LINGO2: variants seen among roughly 807,000 people sequenced by gnomAD.
LINGO2 encodes leucine-rich repeat and immunoglobulin-like domain-containing nogo receptor-interacting protein 2.
A neutral mutation model predicts 30.6 loss-of-function variants in LINGO2; 14 were observed. That is an observed-to-expected ratio of 0.46 (90% CI 0.30 to 0.72). The LOEUF (loss-of-function observed/expected upper bound fraction) is 0.72, where lower values mean the gene tolerates loss of function less well. Ranked by LOEUF, LINGO2 falls within the 30% of genes least tolerant of loss-of-function variation. The probability of loss-of-function intolerance (pLI) is 0.07; values close to 1 mark genes in which losing one functional copy is unlikely to be tolerated. For missense variants in LINGO2, 729 were observed against 751.7 expected, an observed-to-expected ratio of 0.97 and a Z score of 0.35; for synonymous variants, 317 against 288.5, an observed-to-expected ratio of 1.10 and a Z score of -1.00.
At chr9:28,624,167 C>A (rs1826543098) in intron 1 of LINGO2, among the ~76,000 whole-genome samples, 1 of 151,990 alleles carries the variant, frequency 6.6e-6, no homozygotes, top group Admixed American at 6.6e-5. Flanking sequence ...TCCTTTATTT[C>A]TTTCTCTTGC....
the LINGO2 span, among the ~76,000 whole-genome samples, chr9:28,921,729 C>T: frequency 1.3e-5 from 2 of 152,184 alleles, no homozygotes; most frequent in Non-Finnish European, 2.9e-5. Context: ...CACATCCACT[C>T]ACCAGTTATT....
intron 1 of LINGO2, among the ~76,000 whole-genome samples, chr9:28,598,323 G>C (rs1825289960): frequency 6.7e-6 from 1 of 148,590 alleles, no homozygotes; most frequent in Non-Finnish European, 1.5e-5. Context: ...TATCCTCCCA[G>C]TATTCTCACT....
chr9:28,669,567 A>G (rs900825282), intron 1 of LINGO2, among the ~76,000 whole-genome samples: 1 of 152,098 alleles, frequency 6.6e-6, no homozygotes. Flanking sequence ...AAATACAAAA[A>G]CAAAAATACC....
chr9:28,655,196 C>G (rs1328438258), intron 1 of LINGO2, among the ~76,000 whole-genome samples: 1 of 152,034 alleles, frequency 6.6e-6, no homozygotes, highest in African/African-American at 2.4e-5. Flanking sequence ...GGAACTCATT[C>G]TTCTTCCTGC....
intron 2 of LINGO2, among the ~76,000 whole-genome samples, chr9:28,410,109 G>A (rs1304901142): frequency 6.8e-6 from 1 of 147,392 alleles, no homozygotes; most frequent in African/African-American, 2.5e-5. Flanking sequence ...AAGAAAGGAA[G>A]GAAGGAGGAA....
the LINGO2 span, among the ~76,000 whole-genome samples, chr9:28,747,603 T>A: frequency 6.6e-6 from 1 of 152,054 alleles, no homozygotes; most frequent in Non-Finnish European, 1.5e-5. Context: ...GTGCCCTGGC[T>A]CCTGCACCTG....
chr9:28,655,598 C>T (rs2135989746), intron 1 of LINGO2, among the ~76,000 whole-genome samples: 1 of 152,048 alleles, frequency 6.6e-6, no homozygotes, highest in African/African-American at 2.4e-5. Context: ...ATTGTACTTC[C>T]CATAATCCCC....
chr9:28,882,907 G>A, the LINGO2 span, among the ~76,000 whole-genome samples: 1 of 152,124 alleles, frequency 6.6e-6, no homozygotes. Context: ...TATTGTAATA[G>A]TCTTGTAATT....
chr9:29,191,162 A>G, the LINGO2 span, among the ~76,000 whole-genome samples: 4 of 152,206 alleles, frequency 2.6e-5, no homozygotes, highest in African/African-American at 9.6e-5. Context: ...AGAAAATAGG[A>G]CACCTGATAA....
At chr9:28,521,663 G>A (rs991482237) in intron 1 of LINGO2, among the ~76,000 whole-genome samples, 4 of 152,206 alleles carry the variant, frequency 2.6e-5, no homozygotes, top group Non-Finnish European at 5.9e-5. Flanking sequence ...GTATGCAGGT[G>A]CACTGGATTG....
At chr9:28,950,536 T>A in the LINGO2 span, among the ~76,000 whole-genome samples, 1 of 151,764 alleles carries the variant, frequency 6.6e-6, no homozygotes, top group East Asian at 2.0e-4. Context: ...TGATAAGCAA[T>A]TTCAGCAAAG....
the LINGO2 span, among the ~76,000 whole-genome samples, chr9:28,990,671 C>T: frequency 2.2e-4 from 34 of 152,252 alleles, no homozygotes; most frequent in South Asian, 5.6e-3. Flanking sequence ...TCCAGAGGAA[C>T]GATCAGACAG....
At chr9:28,202,331 A>G (rs1377604901) in intron 4 of LINGO2, among the ~76,000 whole-genome samples, 1 of 152,076 alleles carries the variant, frequency 6.6e-6, no homozygotes, top group East Asian at 1.9e-4. Flanking sequence ...CTGATATGGC[A>G]TCTAACAGAC....
intron 3 of LINGO2, among the ~76,000 whole-genome samples, chr9:28,346,288 T>TGA (rs1373184509): frequency 4.6e-5 from 7 of 152,172 alleles, no homozygotes; most frequent in Non-Finnish European, 7.4e-5. Flanking sequence ...TACTTATATG[T>TGA]GAGAAAATGT....
At chr9:29,167,135 A>T in the LINGO2 span, among the ~76,000 whole-genome samples, 1 of 152,110 alleles carries the variant, frequency 6.6e-6, no homozygotes, top group Non-Finnish European at 1.5e-5. Flanking sequence ...TTTATTCTTC[A>T]TCACTTTTCA....
the LINGO2 span, among the ~76,000 whole-genome samples, chr9:28,837,940 G>A: frequency 6.6e-6 from 1 of 151,734 alleles, no homozygotes; most frequent in Non-Finnish European, 1.5e-5. Flanking sequence ...TCCCTTAAAA[G>A]GCAATTCATC....
chr9:28,905,723 G>A, the LINGO2 span, among the ~76,000 whole-genome samples: 1 of 152,026 alleles, frequency 6.6e-6, no homozygotes, highest in African/African-American at 2.4e-5. Flanking sequence ...ATGTAAATTA[G>A]TATGGCTATC....
the LINGO2 span, among the ~76,000 whole-genome samples, chr9:28,903,731 G>C: frequency 0.018 from 2,790 of 152,164 alleles, 57 homozygotes; most frequent in South Asian, 0.067. Context: ...TCCTGCCTTA[G>C]ACTTATCAGA....
At chr9:28,387,721 G>T (rs1043230421) in intron 2 of LINGO2, among the ~76,000 whole-genome samples, 2 of 152,134 alleles carry the variant, frequency 1.3e-5, no homozygotes, top group African/African-American at 4.8e-5. Context: ...CTTCACTCCT[G>T]AAGTCAGCAA....
Sources: gnomAD v4.1 joint callset for allele counts (sites outside exome capture counted in the v4.1 genomes callset) on GRCh38, gnomAD v4.1.1 for gene constraint, MANE v1.5 for transcripts, NCBI Gene and HGNC (gene_info 2026-07-23, HGNC 2026-07-21) for gene names.